Variants in ANKRD12 observed in about 807,000 individuals in gnomAD.
ANKRD12 encodes ankyrin repeat domain 12, also known as ankyrin repeat domain-containing protein 12.
In ANKRD12, 85 loss-of-function variants were observed where a neutral mutation model predicts 183.4. That is an observed-to-expected ratio of 0.46 (90% CI 0.39 to 0.56). The LOEUF (loss-of-function observed/expected upper bound fraction) is 0.56, where lower values mean the gene tolerates loss of function less well. ANKRD12 is among the 20% of genes least tolerant of loss of function. ANKRD12 has a pLI of 0.00. For synonymous variants in ANKRD12, 914 were observed against 800.2 expected (o/e 1.14, Z -2.40); for missense variants, 2,405 against 2,357.1 (o/e 1.02, Z -0.42).
chr18:9,244,332 T>TA (rs1415524297), intron 8 of ANKRD12, among the ~76,000 whole-genome samples: 1 of 152,106 alleles, frequency 6.6e-6, no homozygotes, highest in Non-Finnish European at 1.5e-5. Flanking sequence ...ACACAAAATA[T>TA]AAAACTAAAC....
At chr18:9,149,971 A>AT (rs1419592206) in intron 1 of ANKRD12, among the ~76,000 whole-genome samples, 4 of 151,438 alleles carry the variant, frequency 2.6e-5, no homozygotes, top group Admixed American at 2.0e-4. Context: ...TAATTTTTGT[A>AT]TTTTTGGTAG....
At chr18:9,229,536 T>TTTG (rs373341999) in intron 8 of ANKRD12, among the ~76,000 whole-genome samples, 24 of 152,196 alleles carry the variant, frequency 1.6e-4, no homozygotes, top group East Asian at 3.9e-4. Flanking sequence ...TTCCTAGTTG[T>TTTG]TTGTTGTTGT....
Position 9,178,343 on chromosome 18 carries a change from C to G in ANKRD12, c.-51-4039C>G. Among the ~76,000 whole-genome samples, 3 of 151,116 alleles carry G rather than the reference C, an allele frequency of 2.0e-5. No individual in the cohort carries two copies. The South Asian group carries it at 6.3e-4, about 32-fold the overall frequency. ...AGATTCTCTCTCTCTCTCTCTCTCT[C>G]GTTTTTTGCATTTGGATATACAGTT... On this transcript the variant is annotated intron_variant, in intron 1 of 12. Coordinates refer to ENST00000262126, the MANE Select transcript of ANKRD12 (RefSeq NM_015208.5).
intron 1 of ANKRD12, among the ~76,000 whole-genome samples, chr18:9,160,473 T>C (rs922578207): frequency 2.0e-5 from 3 of 152,220 alleles, no homozygotes; most frequent in African/African-American, 7.2e-5. Flanking sequence ...GATGTGCAGC[T>C]ATTGCCACTG....
At chr18:9,237,454 A>G (rs147212043) in intron 8 of ANKRD12, among the ~76,000 whole-genome samples, 57 of 152,284 alleles carry the variant, frequency 3.7e-4, no homozygotes, top group African/African-American at 1.3e-3. Flanking sequence ...GGAGTATCCT[A>G]TGTTTATTAT....
At chr18:9,267,567 G>A (rs367906257) in intron 10 of ANKRD12, among the ~76,000 whole-genome samples, 1 of 151,930 alleles carries the variant, frequency 6.6e-6, no homozygotes, top group Non-Finnish European at 1.5e-5. Flanking sequence ...TGTTCTTTGA[G>A]ACCAACGAGA....
At chr18:9,160,659 T>C (rs1035866388) in intron 1 of ANKRD12, among the ~76,000 whole-genome samples, 1 of 152,240 alleles carries the variant, frequency 6.6e-6, no homozygotes, top group South Asian at 2.1e-4. Flanking sequence ...TAGGGATCTG[T>C]ATCTTTTTTA....
At chr18:9,175,828 A>G (rs901433672) in intron 1 of ANKRD12, among the ~76,000 whole-genome samples, 1 of 152,054 alleles carries the variant, frequency 6.6e-6, no homozygotes, top group Non-Finnish European at 1.5e-5. Context: ...ACATTCAGCC[A>G]AAACCTCTTT....
chr18:9,181,423 T>C (rs1284144221), intron 1 of ANKRD12, among the ~76,000 whole-genome samples: 2 of 152,234 alleles, frequency 1.3e-5, no homozygotes, highest in Admixed American at 6.5e-5. Flanking sequence ...ATCTATGATA[T>C]CCATCTGTAG....
Position 9,257,348 on chromosome 18 carries a change from A to C in ANKRD12, c.4081A>C (p.Asn1361His), listed in dbSNP as rs371458043. ...FSNVPERDLS[N>H]VSNIHSSFAT... ...AAATGTGCCTGAAAGAGACCTTTCA[A>C]ATGTATCTAACATACATTCCAGTTT... The change falls in exon 9 of 13, where the codon AAT becomes CAT. Residue 1361 changes from asparagine to histidine, a missense_variant. Coordinates refer to ENST00000262126, the MANE Select transcript of ANKRD12 (RefSeq NM_015208.5). The C allele has an allele frequency of 1.1e-5, 17 of 1,614,022 alleles. No homozygotes were observed. In the East Asian group the frequency reaches 2.0e-4, roughly 19 times the overall value.
intron 1 of ANKRD12, among the ~76,000 whole-genome samples, chr18:9,157,581 G>GTATATATATATATATATATATATATA (rs1221750938): frequency 1.8e-5 from 2 of 109,342 alleles, no homozygotes; most frequent in East Asian, 2.3e-4. Context: ...GTGTGTGTGT[G>GTATATATATATATATATATATATATA]TGTGTATATA....
chr18:9,244,056 C>G (rs2145035710), intron 8 of ANKRD12, among the ~76,000 whole-genome samples: 1 of 152,244 alleles, frequency 6.6e-6, no homozygotes, highest in African/African-American at 2.4e-5. Context: ...ATCACTGGAA[C>G]CTGGGAGGCG....
intron 1 of ANKRD12, among the ~76,000 whole-genome samples, chr18:9,147,284 T>C (rs1385569576): frequency 1.3e-5 from 2 of 152,142 alleles, no homozygotes; most frequent in African/African-American, 4.8e-5. Context: ...TGCCTGTCAT[T>C]TTTATAGAAA....
intron 1 of ANKRD12, among the ~76,000 whole-genome samples, chr18:9,159,436 T>TA (rs1223378657): frequency 3.3e-5 from 5 of 152,118 alleles, no homozygotes; most frequent in African/African-American, 1.2e-4. Context: ...TTTACTTTTT[T>TA]ATTTTCATTT....
intron 8 of ANKRD12, among the ~76,000 whole-genome samples, chr18:9,227,580 A>G (rs956313624): frequency 9.2e-5 from 14 of 152,216 alleles, no homozygotes; most frequent in African/African-American, 3.1e-4. Flanking sequence ...TTGACCAAAG[A>G]TGGGACAATG....
At chr18:9,273,305 A>C (rs191215429) in intron 10 of ANKRD12, among the ~76,000 whole-genome samples, 9 of 152,332 alleles carry the variant, frequency 5.9e-5, no homozygotes, top group Admixed American at 5.9e-4. Flanking sequence ...TGCATATTAC[A>C]TAATAATTTT....
chr18:9,216,681 A>G, intron 6 of ANKRD12, 77 bp from the exon 7 acceptor site: 1 of 1,417,134 alleles, frequency 7.1e-7, no homozygotes, highest in Non-Finnish European at 9.6e-7. Flanking sequence ...TATATGTCAC[A>G]CATTGGTATG....
intron 4 of ANKRD12, among the ~76,000 whole-genome samples, 170 bp from the exon 5 acceptor site, chr18:9,208,487 A>G (rs560941252): frequency 3.9e-5 from 6 of 152,262 alleles, no homozygotes; most frequent in African/African-American, 1.2e-4. Context: ...CAGGAAGAAA[A>G]TTGTTTATAT....
rs76016985 is a variant in ANKRD12 at position 9,209,476 on chromosome 18, G to A, written c.451+673G>A. Among the ~76,000 whole-genome samples, 738 of 152,240 alleles carry A rather than the reference G, an allele frequency of 4.8e-3. 4 individuals are homozygous for A. The highest frequency in any genetic ancestry group is 8.8e-3 in the Non-Finnish European group (599 of 67,998). ...GTTACGTAACAGTCCATGTTGAAAT[G>A]CATTGAAAAAGATAATTTTTCAGTG... On this transcript the variant is annotated intron_variant, in intron 5 of 12. Coordinates refer to ENST00000262126, the MANE Select transcript of ANKRD12 (RefSeq NM_015208.5).
Sources: allele counts gnomAD v4.1 joint callset (sites outside exome capture counted in the v4.1 genomes callset), GRCh38; gene constraint gnomAD v4.1.1; transcripts MANE v1.5; gene names NCBI Gene and HGNC (gene_info 2026-07-23, HGNC 2026-07-21).